The following GRID2 variants were observed in gnomAD, a reference collection of about 807,000 sequenced individuals.
GRID2 encodes glutamate ionotropic receptor delta type subunit 2.
Under a neutral mutation model 114.8 loss-of-function variants are expected in GRID2, and 33 were observed. The observed-to-expected ratio is 0.29, with a 90% CI of 0.22 to 0.38. The LOEUF (loss-of-function observed/expected upper bound fraction) is 0.38, where lower values mean the gene tolerates loss of function less well. GRID2 is among the 10% of genes least tolerant of loss of function. The probability of loss-of-function intolerance (pLI) is 1.00; values close to 1 mark genes in which losing one functional copy is unlikely to be tolerated. For synonymous variants in GRID2, 505 were observed against 449.9 expected, an observed-to-expected ratio of 1.12 and a Z score of -1.55; for missense variants, 1,184 against 1,257.7, an observed-to-expected ratio of 0.94 and a Z score of 0.89.
At chr4:92,471,859 A>T (rs1473290061) in intron 1 of GRID2, among the ~76,000 whole-genome samples, 1 of 151,732 alleles carries the variant, frequency 6.6e-6, no homozygotes, top group East Asian at 1.9e-4. Context: ...GAATCATACA[A>T]TCTACATTGC....
intron 1 of GRID2, among the ~76,000 whole-genome samples, chr4:92,359,170 G>A (rs188682387): frequency 6.6e-6 from 1 of 151,820 alleles, no homozygotes; most frequent in East Asian, 2.0e-4. Flanking sequence ...ACGATTTTAT[G>A]GTCCCTCTTC....
intron 1 of GRID2, among the ~76,000 whole-genome samples, chr4:92,508,022 T>C (rs943558320): frequency 1.3e-5 from 2 of 151,976 alleles, no homozygotes; most frequent in Non-Finnish European, 2.9e-5. Context: ...GGCAGAAATA[T>C]TCTATTTTAT....
At chr4:93,261,393 C>T (rs1439414347) in intron 8 of GRID2, among the ~76,000 whole-genome samples, 1 of 151,864 alleles carries the variant, frequency 6.6e-6, no homozygotes, top group Admixed American at 6.6e-5. Context: ...TGTACACAAT[C>T]TAACTCAGTA....
At chr4:92,313,507 A>G (rs1054405545) in intron 1 of GRID2, among the ~76,000 whole-genome samples, 4 of 151,990 alleles carry the variant, frequency 2.6e-5, no homozygotes, top group African/African-American at 9.7e-5. Context: ...ATAATAAAAT[A>G]AATAAAAATA....
intron 9 of GRID2, among the ~76,000 whole-genome samples, chr4:93,415,709 G>A (rs1467950115): frequency 6.6e-6 from 1 of 151,740 alleles, no homozygotes; most frequent in African/African-American, 2.4e-5. Flanking sequence ...ACTAAGATGT[G>A]GCTATTTCAT....
At chr4:93,666,383 T>G (rs771671861) in intron 14 of GRID2, among the ~76,000 whole-genome samples, 37 of 152,168 alleles carry the variant, frequency 2.4e-4, no homozygotes, top group African/African-American at 8.7e-4. Flanking sequence ...ATATTCTATA[T>G]GATAAATGCT....
chr4:92,829,813 TC>T (rs1353497705), intron 2 of GRID2, among the ~76,000 whole-genome samples: 1 of 152,068 alleles, frequency 6.6e-6, no homozygotes, highest in African/African-American at 2.4e-5. Context: ...ACCATCATTC[TC>T]AGCAAACTAA....
At chr4:92,927,746 ATG>A (rs1480218305) in intron 2 of GRID2, among the ~76,000 whole-genome samples, 2 of 151,754 alleles carry the variant, frequency 1.3e-5, no homozygotes, top group Non-Finnish European at 2.9e-5. Context: ...TAAGGTTTTA[ATG>A]TTGCAGATTC....
chr4:93,250,561 A>G (rs978294066), intron 8 of GRID2, among the ~76,000 whole-genome samples: 1 of 149,666 alleles, frequency 6.7e-6, no homozygotes, highest in East Asian at 1.9e-4. Context: ...GACAAAAAAA[A>G]AGTGGTATAT....
At chr4:92,732,828 C>A (rs1736393508) in intron 2 of GRID2, among the ~76,000 whole-genome samples, 2 of 151,920 alleles carry the variant, frequency 1.3e-5, no homozygotes, top group African/African-American at 2.4e-5. Context: ...ATAGATTAAG[C>A]CTTTATTTTG....
chr4:93,593,824 C>G (rs1275763495), intron 13 of GRID2, among the ~76,000 whole-genome samples: 1 of 152,068 alleles, frequency 6.6e-6, no homozygotes, highest in African/African-American at 2.4e-5. Context: ...ATTGCTGATA[C>G]CCTTTCTTCC....
chr4:92,881,868 A>G (rs1378831003), intron 2 of GRID2, among the ~76,000 whole-genome samples: 2 of 152,194 alleles, frequency 1.3e-5, no homozygotes, highest in Non-Finnish European at 2.9e-5. Context: ...TACACTTTTT[A>G]AAAAGTATTA....
intron 1 of GRID2, among the ~76,000 whole-genome samples, chr4:92,496,235 T>C (rs956063268): frequency 1.4e-4 from 21 of 151,914 alleles, no homozygotes; most frequent in African/African-American, 4.8e-4. Context: ...AATTTCAATA[T>C]ATGTACACAC....
At chr4:93,651,965 T>C (rs938624074) in intron 14 of GRID2, among the ~76,000 whole-genome samples, 7 of 152,104 alleles carry the variant, frequency 4.6e-5, no homozygotes, top group African/African-American at 1.4e-4. Flanking sequence ...AGGGAAGCAG[T>C]GTAGACCTCA....
intron 10 of GRID2, among the ~76,000 whole-genome samples, chr4:93,440,198 T>C (rs1365106549): frequency 6.6e-6 from 1 of 152,082 alleles, no homozygotes; most frequent in Non-Finnish European, 1.5e-5. Flanking sequence ...TTTTCATTAC[T>C]GCAAACCAGC....
intron 9 of GRID2, among the ~76,000 whole-genome samples, chr4:93,407,744 C>T (rs980253629): frequency 8.1e-6 from 1 of 123,884 alleles, no homozygotes; most frequent in Non-Finnish European, 1.7e-5. Context: ...TCCTCCTCCT[C>T]CTCCTCCTCC....
chr4:92,397,338 TTG>T (rs1227002294), intron 1 of GRID2, among the ~76,000 whole-genome samples: 4 of 124,188 alleles, frequency 3.2e-5, no homozygotes, highest in African/African-American at 1.0e-4. Flanking sequence ...CTCTGTGTGT[TTG>T]TATGTGTGTG....
At chr4:92,983,952 G>T (rs529320499) in intron 2 of GRID2, among the ~76,000 whole-genome samples, 3 of 152,212 alleles carry the variant, frequency 2.0e-5, no homozygotes, top group African/African-American at 7.2e-5. Flanking sequence ...ATAGGACAGA[G>T]ACTGGGATTT....
intron 5 of GRID2, among the ~76,000 whole-genome samples, chr4:93,209,432 C>CT (rs778477982): frequency 4.6e-5 from 7 of 151,920 alleles, no homozygotes; most frequent in Non-Finnish European, 8.8e-5. Flanking sequence ...CATATCATTC[C>CT]TTTTTTGTGA....
Sources: allele counts gnomAD v4.1 joint callset (sites outside exome capture counted in the v4.1 genomes callset), GRCh38; gene constraint gnomAD v4.1.1; transcripts MANE v1.5; gene names NCBI Gene and HGNC (gene_info 2026-07-23, HGNC 2026-07-21).